The following SCLT1 variants were observed in gnomAD, a reference collection of about 807,000 sequenced individuals.
SCLT1 encodes sodium channel-associated protein 1.
Under a neutral mutation model 112.8 loss-of-function variants are expected in SCLT1, and 78 were observed. The ratio of observed to expected loss-of-function variants is 0.69; its 90% confidence interval spans 0.58 to 0.83. The LOEUF is 0.83. Among genes scored for constraint, SCLT1 ranks in the 40% least tolerant of loss-of-function variants. The pLI, the probability that SCLT1 is intolerant of heterozygous loss-of-function variation, is 0.00. For missense variants in SCLT1, 747 were observed against 770.4 expected, an observed-to-expected ratio of 0.97 and a Z score of 0.36; for synonymous variants, 257 against 254.7, an observed-to-expected ratio of 1.01 and a Z score of -0.09.
chr4:129,078,489 T>C (rs1579950878), intron 2 of SCLT1, among the ~76,000 whole-genome samples: 1 of 152,206 alleles, frequency 6.6e-6, no homozygotes, highest in African/African-American at 2.4e-5. Flanking sequence ...TGTTGGAATA[T>C]GAAAGATTCT....
intron 6 of SCLT1, among the ~76,000 whole-genome samples, chr4:129,000,302 A>T (rs1168953682): frequency 1.3e-5 from 2 of 152,024 alleles, no homozygotes; most frequent in Non-Finnish European, 2.9e-5. Flanking sequence ...ATGTTGATGC[A>T]TTCATGTTTA....
chr4:128,967,951 A>G (rs1295923509), intron 10 of SCLT1, among the ~76,000 whole-genome samples: 2 of 152,138 alleles, frequency 1.3e-5, no homozygotes, highest in Admixed American at 6.6e-5. Context: ...GTGTTTCCAC[A>G]GTTTCTTGAT....
At chr4:128,923,837 A>G (rs986220313) in intron 18 of SCLT1, among the ~76,000 whole-genome samples, 2 of 151,988 alleles carry the variant, frequency 1.3e-5, no homozygotes, top group African/African-American at 4.8e-5. Flanking sequence ...TTTTGGAAAG[A>G]GTCTTGGTCT....
chr4:128,959,359 CGCA>C (rs1299719266), intron 12 of SCLT1, among the ~76,000 whole-genome samples: 1 of 151,134 alleles, frequency 6.6e-6, no homozygotes, highest in East Asian at 1.9e-4. Context: ...AGATTAGTTA[CGCA>C]GCATCTGGGA....
At chr4:129,027,848 A>G (rs919432428) in intron 5 of SCLT1, among the ~76,000 whole-genome samples, 1 of 152,192 alleles carries the variant, frequency 6.6e-6, no homozygotes, top group Non-Finnish European at 1.5e-5. Flanking sequence ...CAAAATCAAT[A>G]TACAAAAATC....
intron 9 of SCLT1, among the ~76,000 whole-genome samples, chr4:128,982,148 C>A (rs942156204): frequency 6.6e-6 from 1 of 152,104 alleles, no homozygotes; most frequent in South Asian, 2.1e-4. Flanking sequence ...GAGAAAAGAT[C>A]TGAGAGATAA....
intron 2 of SCLT1, among the ~76,000 whole-genome samples, chr4:129,053,140 A>G (rs773967034): frequency 9.2e-5 from 14 of 152,074 alleles, no homozygotes; most frequent in Non-Finnish European, 1.6e-4. Context: ...GGAGTGTTTT[A>G]CTTCCAATTT....
At chr4:129,060,918 G>A (rs566000975) in intron 2 of SCLT1, among the ~76,000 whole-genome samples, 54 of 152,230 alleles carry the variant, frequency 3.5e-4, no homozygotes, top group East Asian at 1.4e-3. Flanking sequence ...AGGTTTGGAT[G>A]TAGAGTGCCC....
intron 1 of SCLT1, among the ~76,000 whole-genome samples, chr4:129,087,755 TAAAAAAAAAA>T (rs71589026): frequency 9.6e-6 from 1 of 104,464 alleles, no homozygotes. Context: ...TTGCGCAAGT[TAAAAAAAAAA>T]AAAAAAAAAG....
intron 2 of SCLT1, among the ~76,000 whole-genome samples, chr4:129,056,080 C>T (rs897751912): frequency 6.6e-6 from 1 of 152,140 alleles, no homozygotes; most frequent in African/African-American, 2.4e-5. Flanking sequence ...AGGTGATGCT[C>T]CACCCTGCTT....
chr4:128,937,759 G>A (rs917730278), intron 17 of SCLT1, among the ~76,000 whole-genome samples: 2 of 152,146 alleles, frequency 1.3e-5, no homozygotes, highest in Non-Finnish European at 2.9e-5. Context: ...AAGAATTTAT[G>A]TCATTATAGT....
chr4:128,884,896 C>A (rs927407272), intron 20 of SCLT1, among the ~76,000 whole-genome samples: 5 of 152,186 alleles, frequency 3.3e-5, no homozygotes, highest in Non-Finnish European at 7.4e-5. Flanking sequence ...ATCCACCCAC[C>A]TTGGTCTCAA....
chr4:128,884,546 TTAAAA>T lies in SCLT1; in HGVS notation c.2005-12_2005-8del, dbSNP rs1732746657. On this transcript the variant is annotated splice_region_variant and splice_polypyrimidine_tract_variant and intron_variant, in intron 20 of 20. Coordinates refer to ENST00000281142, the MANE Select transcript of SCLT1 (RefSeq NM_144643.4). Reference sequence around the variant, plus strand: ...GCACTGTAATCACACTGAGCTGCAATTAAAATAAACAATCGGTAAGTAGTTACTTT... The same window carrying T: ...GCACTGTAATCACACTGAGCTGCAATTAAACAATCGGTAAGTAGTTACTTT... The T allele has an allele frequency of 1.3e-6, 2 of 1,585,606 alleles. No homozygotes were observed. Among genetic ancestry groups the T allele is most frequent in the Non-Finnish European group, 1.7e-6 (2 of 1,155,906 alleles).
intron 5 of SCLT1, among the ~76,000 whole-genome samples, chr4:129,007,581 T>C (rs1744139127): frequency 6.6e-6 from 1 of 152,190 alleles, no homozygotes; most frequent in African/African-American, 2.4e-5. Context: ...ATGGTATACA[T>C]ATTTTCTATC....
intron 18 of SCLT1, among the ~76,000 whole-genome samples, chr4:128,895,990 A>T (rs1431735596): frequency 6.6e-6 from 1 of 151,838 alleles, no homozygotes; most frequent in Non-Finnish European, 1.5e-5. Context: ...AGGCTGGGGG[A>T]GGGGCACCCG....
At chr4:129,011,549 C>T (rs550982251) in intron 5 of SCLT1, among the ~76,000 whole-genome samples, 1 of 151,266 alleles carries the variant, frequency 6.6e-6, no homozygotes, top group South Asian at 2.1e-4. Flanking sequence ...GTGATGTCCC[C>T]AGCTTTCTTC....
At chr4:129,052,937 T>C (rs1300707634) in intron 2 of SCLT1, among the ~76,000 whole-genome samples, 2 of 152,204 alleles carry the variant, frequency 1.3e-5, no homozygotes, top group Non-Finnish European at 2.9e-5. Context: ...GTCTTTGTTC[T>C]CACTGGTTTC....
rs564568410 is a variant in SCLT1, at chr4:128,948,331, A to G, written c.1293+165T>C. Among the ~76,000 whole-genome samples the G allele has an allele frequency of 8.9e-4, 96 of 108,068 alleles. 2 individuals carry two copies. Among genetic ancestry groups the G allele is most frequent in the African/African-American group, 3.9e-3 (92 of 23,686 alleles). The allele number at this position is 108,068 out of a possible 152,430, so 70.9% of individuals were successfully genotyped here. On this transcript the variant is annotated intron_variant, in intron 15 of 20. Transcript: ENST00000281142. Reference sequence around the variant, plus strand: ...AGCCTGGGTGACAGAGTGAGACTCCATTGCAAAAAAAAAAAAAAAAAAAAA... The same window carrying G: ...AGCCTGGGTGACAGAGTGAGACTCCGTTGCAAAAAAAAAAAAAAAAAAAAA...
chr4:129,082,659 C>G (rs948842675), intron 1 of SCLT1, among the ~76,000 whole-genome samples: 1 of 152,186 alleles, frequency 6.6e-6, no homozygotes, highest in African/African-American at 2.4e-5. Flanking sequence ...CTGGCTTGCT[C>G]TTCGGGTTAA....
Sources: gnomAD v4.1 joint callset for allele counts (sites outside exome capture counted in the v4.1 genomes callset) on GRCh38, gnomAD v4.1.1 for gene constraint, MANE v1.5 for transcripts, NCBI Gene and HGNC (gene_info 2026-07-23, HGNC 2026-07-21) for gene names.